SHISA9: variants seen among roughly 807,000 people sequenced by gnomAD.
The protein encoded by SHISA9 is protein shisa-9.
Under a neutral mutation model 38.0 loss-of-function variants are expected in SHISA9, and 13 were observed. That is an observed-to-expected ratio of 0.34 (90% confidence interval 0.22 to 0.54). The LOEUF (loss-of-function observed/expected upper bound fraction) is 0.54. Among genes scored for constraint, SHISA9 ranks in the 20% least tolerant of loss-of-function variants. SHISA9 has a pLI of 0.91. For missense variants in SHISA9, 538 were observed against 575.8 expected (o/e 0.93, Z 0.67); for synonymous variants, 275 against 242.0 (o/e 1.14, Z -1.27).
At chr16:13,225,380 T>A (rs1010500027) in intron 4 of SHISA9, among the ~76,000 whole-genome samples, 4 of 152,190 alleles carry the variant, frequency 2.6e-5, no homozygotes, top group Non-Finnish European at 5.9e-5. Flanking sequence ...CACTGTGATG[T>A]GTTCACAATA....
chr16:12,985,993 C>T (rs1477553836), intron 2 of SHISA9, among the ~76,000 whole-genome samples: 2 of 152,290 alleles, frequency 1.3e-5, no homozygotes, highest in East Asian at 1.9e-4. Context: ...TCCAGAGCAC[C>T]CCTGTGGGAT....
intron 4 of SHISA9, among the ~76,000 whole-genome samples, chr16:13,232,946 G>T (rs2051346285): frequency 6.6e-6 from 1 of 152,056 alleles, no homozygotes; most frequent in Non-Finnish European, 1.5e-5. Flanking sequence ...GGGCCTGGAA[G>T]AAAAAATCTA....
At chr16:13,162,144 T>G (rs2050600471) in intron 2 of SHISA9, among the ~76,000 whole-genome samples, 1 of 152,138 alleles carries the variant, frequency 6.6e-6, no homozygotes, top group Admixed American at 6.5e-5. Context: ...AATGTAAGAC[T>G]TAGTAAAAGT....
the SHISA9 span, among the ~76,000 whole-genome samples, chr16:13,399,248 T>A: frequency 6.7e-6 from 1 of 149,858 alleles, no homozygotes; most frequent in Non-Finnish European, 1.5e-5. Flanking sequence ...TGAGACCCCA[T>A]CTCAATTAAA....
chr16:13,278,900 G>C, the SHISA9 span, among the ~76,000 whole-genome samples: 1 of 151,334 alleles, frequency 6.6e-6, no homozygotes, highest in Non-Finnish European at 1.5e-5. Flanking sequence ...TATTTTTTTG[G>C]TTTCAATTTC....
intron 4 of SHISA9, among the ~76,000 whole-genome samples, chr16:13,225,418 T>C (rs1337029926): frequency 6.6e-6 from 1 of 152,154 alleles, no homozygotes; most frequent in East Asian, 1.9e-4. Flanking sequence ...GGTGCATAAG[T>C]AGCTAGAGTC....
intron 1 of SHISA9, among the ~76,000 whole-genome samples, chr16:12,903,423 C>T (rs1049238177): frequency 4.6e-5 from 7 of 152,242 alleles, no homozygotes; most frequent in Non-Finnish European, 8.8e-5. Flanking sequence ...TCGGGTTTGC[C>T]TTGTTCATTA....
chr16:13,499,405 G>T, the SHISA9 span, among the ~76,000 whole-genome samples: 1 of 152,274 alleles, frequency 6.6e-6, no homozygotes, highest in South Asian at 2.1e-4. Flanking sequence ...AGGAAAATGA[G>T]TGTTATTTAA....
intron 2 of SHISA9, among the ~76,000 whole-genome samples, chr16:12,972,603 G>A (rs950051031): frequency 2.0e-5 from 3 of 152,194 alleles, no homozygotes; most frequent in African/African-American, 7.2e-5. Flanking sequence ...AATATAGCAG[G>A]CACTAATCTT....
the SHISA9 span, among the ~76,000 whole-genome samples, chr16:13,485,861 G>A: frequency 1.3e-5 from 2 of 152,086 alleles, no homozygotes; most frequent in Non-Finnish European, 2.9e-5. Context: ...CACTTTTTAA[G>A]CTCCAGTATA....
At chr16:13,284,189 AT>A in the SHISA9 span, among the ~76,000 whole-genome samples, 2 of 152,042 alleles carry the variant, frequency 1.3e-5, no homozygotes, top group Non-Finnish European at 2.9e-5. Flanking sequence ...CACTGGAGAA[AT>A]TTTCCCCAAG....
intron 2 of SHISA9, among the ~76,000 whole-genome samples, chr16:13,059,238 T>C (rs993673906): frequency 1.3e-5 from 2 of 150,976 alleles, no homozygotes; most frequent in African/African-American, 4.9e-5. Flanking sequence ...TGCCATTCTC[T>C]TGCCTCAGCC....
At chr16:13,006,902 A>G (rs985167278) in intron 2 of SHISA9, among the ~76,000 whole-genome samples, 4 of 152,028 alleles carry the variant, frequency 2.6e-5, no homozygotes, top group African/African-American at 9.7e-5. Context: ...CTGACCATTC[A>G]GCTCAGGCTA....
At chr16:13,089,810 G>T (rs1489594071) in intron 2 of SHISA9, among the ~76,000 whole-genome samples, 1 of 152,002 alleles carries the variant, frequency 6.6e-6, no homozygotes, top group Non-Finnish European at 1.5e-5. Flanking sequence ...TTTCAGTTCT[G>T]CTCTGATCTT....
intron 2 of SHISA9, among the ~76,000 whole-genome samples, chr16:13,025,173 TA>T (rs2072905708): frequency 6.6e-6 from 1 of 152,224 alleles, no homozygotes; most frequent in Admixed American, 6.5e-5. Flanking sequence ...TATAATTGTC[TA>T]TTTATTATAC....
At chr16:13,204,206 G>GTCTATCTATCTA (rs760365316) in intron 3 of SHISA9, among the ~76,000 whole-genome samples, 204 of 138,144 alleles carry the variant, frequency 1.5e-3, no homozygotes, top group Middle Eastern at 3.7e-3. Context: ...TTATCTGTCT[G>GTCTATCTATCTA]TCTGTCTATC....
At chr16:13,021,597 G>A (rs948993375) in intron 2 of SHISA9, among the ~76,000 whole-genome samples, 2 of 152,162 alleles carry the variant, frequency 1.3e-5, no homozygotes, top group Non-Finnish European at 2.9e-5. Context: ...AGGCAGGAAG[G>A]CCGGGAGCAG....
the SHISA9 span, among the ~76,000 whole-genome samples, chr16:13,474,769 C>G: frequency 1.3e-5 from 2 of 152,134 alleles, no homozygotes; most frequent in Non-Finnish European, 2.9e-5. Context: ...GTCTGAATGA[C>G]AAGAATAAGA....
the SHISA9 span, among the ~76,000 whole-genome samples, chr16:13,262,229 T>G: frequency 6.6e-6 from 1 of 152,204 alleles, no homozygotes; most frequent in Non-Finnish European, 1.5e-5. Context: ...ATGCTCAGTT[T>G]CTGAAAAGAA....
Sources: gnomAD v4.1 joint callset for allele counts (sites outside exome capture counted in the v4.1 genomes callset) on GRCh38, gnomAD v4.1.1 for gene constraint, MANE v1.5 for transcripts, NCBI Gene and HGNC (gene_info 2026-07-23, HGNC 2026-07-21) for gene names.